Variants in TRPC5 observed in about 807,000 individuals in gnomAD.
The protein encoded by TRPC5 is transient receptor potential cation channel subfamily C member 5, also known as short transient receptor potential channel 5.
In TRPC5, 9 loss-of-function variants were observed where a neutral mutation model predicts 56.5. The observed-to-expected ratio is 0.16, with a 90% CI of 0.10 to 0.28. TRPC5 has a LOEUF of 0.28. TRPC5 is among the 10% of genes least tolerant of loss of function. The pLI, the probability that TRPC5 is intolerant of heterozygous loss-of-function variation, is 1.00. For synonymous variants in TRPC5, 282 were observed against 278.5 expected, an observed-to-expected ratio of 1.01 and a Z score of -0.13; for missense variants, 469 against 748.9, an observed-to-expected ratio of 0.63 and a Z score of 4.36.
At chrX:112,015,004 C>A (rs1239556288) in intron 1 of TRPC5, among the ~76,000 whole-genome samples, 1 of 104,218 alleles carries the variant, frequency 9.6e-6, no homozygotes, top group Non-Finnish European at 1.9e-5. Context: ...AAAAATAAAG[C>A]CGCTTTTCCC....
intron 1 of TRPC5, among the ~76,000 whole-genome samples, chrX:112,007,993 G>T (rs151316202): frequency 0.012 from 1,339 of 111,766 alleles, 19 homozygotes; most frequent in African/African-American, 0.042. Flanking sequence ...GCCATTCCCT[G>T]TTTGTCTCCT....
At chrX:111,799,224 C>A (rs771323499) in intron 7 of TRPC5, among the ~76,000 whole-genome samples, 1 of 110,774 alleles carries the variant, frequency 9.0e-6, no homozygotes, top group South Asian at 3.9e-4. Flanking sequence ...ACCCCTCAGC[C>A]CTGAAGGAAA....
chrX:111,969,434 GC>G (rs1320855511), intron 1 of TRPC5, among the ~76,000 whole-genome samples: 2 of 111,627 alleles, frequency 1.8e-5, no homozygotes, highest in Admixed American at 1.9e-4. Context: ...CTGTTTCAGG[GC>G]AGGACTTTGT....
At position 111,909,318 on chromosome X, in the gene TRPC5, A is replaced by C. The variant is rs185187025; in HGVS notation, c.900+2973T>G. ...GCACTCCAGCCTGGGTGACAGAGAG[A>C]GCCTCCGTCTCAAAAATAAATAAAT... is the stretch of plus-strand genomic sequence containing the variant. On this transcript the variant is annotated intron_variant, in intron 3 of 10. Coordinates refer to ENST00000262839, the MANE Select transcript of TRPC5 (RefSeq NM_012471.3). Among the ~76,000 whole-genome samples the C allele has an allele frequency of 4.4e-3, 475 of 107,593 alleles. 1 individual carries two copies. Among genetic ancestry groups the C allele is most frequent in the Middle Eastern group, 0.014 (3 of 210 alleles). 93.4% of individuals were successfully genotyped at this position (107,593 alleles called of 115,157 possible). A position where few individuals can be genotyped will look rare whatever the true frequency, so the allele number is the denominator to read the frequency against.
At chrX:112,060,617 T>G (rs1165727511) in intron 1 of TRPC5, among the ~76,000 whole-genome samples, 1 of 112,108 alleles carries the variant, frequency 8.9e-6, no homozygotes, top group East Asian at 2.8e-4. Context: ...GATTGATCCC[T>G]CTGATTTAAC....
At chrX:111,893,167 A>C (rs948639594) in intron 3 of TRPC5, among the ~76,000 whole-genome samples, 1 of 109,958 alleles carries the variant, frequency 9.1e-6, no homozygotes, top group Admixed American at 9.7e-5. Flanking sequence ...ATACAAACAA[A>C]CAACCACAAC....
chrX:112,052,499 T>C (rs1227942307), intron 1 of TRPC5, among the ~76,000 whole-genome samples: 1 of 111,765 alleles, frequency 8.9e-6, no homozygotes, highest in Non-Finnish European at 1.9e-5. Flanking sequence ...TGTTGAGTTG[T>C]AGGAGTTCTT....
chrX:112,005,480 AAAT>A (rs1318855685), intron 1 of TRPC5, among the ~76,000 whole-genome samples: 69 of 108,868 alleles, frequency 6.3e-4, no homozygotes, highest in African/African-American at 2.3e-3. Flanking sequence ...AAAAAAAAAA[AAAT>A]ATCTTACCAA....
chrX:111,806,801 C>T (rs1240958160), intron 7 of TRPC5, among the ~76,000 whole-genome samples: 1 of 110,568 alleles, frequency 9.0e-6, no homozygotes, highest in Non-Finnish European at 1.9e-5. Context: ...ACAATCTTTA[C>T]TTATCCTTTA....
chrX:112,062,624 A>G (rs1157757961), intron 1 of TRPC5, among the ~76,000 whole-genome samples: 3 of 112,389 alleles, frequency 2.7e-5, no homozygotes, highest in African/African-American at 9.7e-5. Flanking sequence ...TGGTATAGGT[A>G]AATGCAGAGG....
At chrX:111,878,815 G>C (rs1047827782) in intron 3 of TRPC5, among the ~76,000 whole-genome samples, 12 of 111,461 alleles carry the variant, frequency 1.1e-4, no homozygotes, top group African/African-American at 3.9e-4. Context: ...ATTCTTCCTT[G>C]AGTGAGAAAC....
In TRPC5 at chrX:112,045,727, A is replaced by G. The variant is rs777644244; in HGVS notation, c.-22+36152T>C. Among the ~76,000 whole-genome samples, 12 of 112,188 alleles carry G rather than the reference A, an allele frequency of 1.1e-4. No homozygotes were observed. The South Asian group carries it at 4.5e-3, about 42-fold the overall frequency. On this transcript the variant is annotated intron_variant, in intron 1 of 10. Coordinates refer to ENST00000262839, the MANE Select transcript of TRPC5 (RefSeq NM_012471.3). ...GCTCTGATAATGTTGAGTTATTTAA[A>G]GTCAATGGAGGCAGTTAAGGGTTTA...
At chrX:111,967,865 C>T (rs947492570) in intron 1 of TRPC5, among the ~76,000 whole-genome samples, 6 of 111,660 alleles carry the variant, frequency 5.4e-5, no homozygotes, top group African/African-American at 2.0e-4. Flanking sequence ...AAAACCATAA[C>T]AACCCTAGAA....
At chrX:111,841,465 T>C (rs966697477) in intron 6 of TRPC5, among the ~76,000 whole-genome samples, 7 of 111,784 alleles carry the variant, frequency 6.3e-5, no homozygotes, top group African/African-American at 2.3e-4. Flanking sequence ...AGTTTCCCTA[T>C]CTGTAAAATG....
intron 2 of TRPC5, among the ~76,000 whole-genome samples, chrX:111,950,750 T>C (rs1015678610): frequency 8.0e-5 from 9 of 112,483 alleles, no homozygotes; most frequent in Middle Eastern, 4.6e-3. Context: ...AGTCCAAAGA[T>C]AATCATTTAT....
chrX:112,073,939 C>A (rs1031180322), intron 1 of TRPC5, among the ~76,000 whole-genome samples: 10 of 111,737 alleles, frequency 8.9e-5, no homozygotes, highest in Admixed American at 1.9e-4. Context: ...GTATTTTATA[C>A]CCCATCCTTT....
At chrX:112,080,390 CTACA>C (rs1329124514) in intron 1 of TRPC5, among the ~76,000 whole-genome samples, 34 of 83,347 alleles carry the variant, frequency 4.1e-4, no homozygotes, top group African/African-American at 1.7e-3. Flanking sequence ...CCTTGAAAAA[CTACA>C]TACACACACA....
Position 111,952,051 on chromosome X carries a change from C to G in TRPC5, c.370G>C (p.Glu124Gln), listed in dbSNP as rs1450677614. The change falls in exon 2 of 11, where the codon GAG becomes CAG. Residue 124 changes from glutamate to glutamine, a missense_variant. Physicochemically the swap from Glu to Gln is conservative, Grantham distance 29. Coordinates refer to ENST00000262839, the MANE Select transcript of TRPC5 (RefSeq NM_012471.3). ...LLLSYRRPSG[E>Q]KQVPTLMMDT... ...ATAGGAATTTCTCTTACCTGCTTCT[C>G]TCCGCTGGGCCGCCTGTAGCTGAGC... is the stretch of plus-strand genomic sequence containing the variant. The G allele has an allele frequency of 8.3e-7, 1 of 1,203,522 alleles. No homozygotes were observed. Among genetic ancestry groups the G allele is most frequent in the Non-Finnish European group, 1.1e-6 (1 of 890,565 alleles).
intron 2 of TRPC5, among the ~76,000 whole-genome samples, chrX:111,913,691 T>C (rs1925886519): frequency 8.9e-6 from 1 of 111,807 alleles, no homozygotes; most frequent in Non-Finnish European, 1.9e-5. Context: ...CCAGGCACAG[T>C]GGCTCACGCC....
Sources: gnomAD v4.1 joint callset for allele counts (sites outside exome capture counted in the v4.1 genomes callset) on GRCh38, gnomAD v4.1.1 for gene constraint, MANE v1.5 for transcripts, NCBI Gene and HGNC (gene_info 2026-07-23, HGNC 2026-07-21) for gene names.